DISC1: variants seen among roughly 807,000 people sequenced by gnomAD.
DISC1 encodes the protein disrupted in schizophrenia 1 protein.
In DISC1, 57 loss-of-function variants were observed where a neutral mutation model predicts 84.5. The observed-to-expected ratio is 0.67, with a 90% CI of 0.55 to 0.84. DISC1 has a LOEUF of 0.84. Ranked by LOEUF, DISC1 falls within the 40% of genes least tolerant of loss-of-function variation. The pLI, the probability that DISC1 is intolerant of heterozygous loss-of-function variation, is 0.00. For missense variants in DISC1, 1,000 were observed against 1,057.8 expected, an observed-to-expected ratio of 0.95 and a Z score of 0.76; for synonymous variants, 411 against 415.2, an observed-to-expected ratio of 0.99 and a Z score of 0.12.
Position 231,714,436 on chromosome 1 carries a change from G to C in DISC1, c.1117+12412G>C, listed in dbSNP as rs1477478591. On this transcript the variant is annotated intron_variant, in intron 3 of 12. Transcript: ENST00000439617. ...ACTCTTGTCTCACACCTTAAACAAA[G>C]TTTAACTCCAAACTGTGCAATGATT... Among the ~76,000 whole-genome samples, 3 of 152,242 alleles carry C rather than the reference G, an allele frequency of 2.0e-5. No individual in the cohort carries two copies. In the South Asian group the frequency reaches 6.2e-4, roughly 32 times the overall value.
rs550340190 is a variant in DISC1, at chr1:231,935,049, A to C, written c.1982-23779A>C. Among the ~76,000 whole-genome samples the C allele has an allele frequency of 1.4e-3, 213 of 152,346 alleles. 1 individual carries two copies. The highest frequency in any genetic ancestry group is 4.4e-3 in the African/African-American group (183 of 41,574). Reference sequence around the variant, plus strand: ...CACATTCAGAGGGAGCTCTTGCCAAATGGGACAACGAAGGATTGTGTTAAA... The same window carrying C: ...CACATTCAGAGGGAGCTCTTGCCAACTGGGACAACGAAGGATTGTGTTAAA... On this transcript the variant is annotated intron_variant, in intron 9 of 12. Transcript: ENST00000439617.
chr1:231,867,249 C>T (rs952533110), intron 9 of DISC1, among the ~76,000 whole-genome samples: 1 of 152,164 alleles, frequency 6.6e-6, no homozygotes, highest in East Asian at 1.9e-4. Context: ...ATTCACATGT[C>T]TGGTTAGCTA....
At chr1:232,003,230 A>G (rs1772699) in intron 10 of DISC1, among the ~76,000 whole-genome samples, 43,344 of 152,066 alleles carry the variant, frequency 0.29, 6,443 homozygotes, top group African/African-American at 0.33. Context: ...CAAATGTTTT[A>G]TGTTGGAGTC....
chr1:231,713,191 G>A (rs113830588), intron 3 of DISC1, among the ~76,000 whole-genome samples: 6 of 152,096 alleles, frequency 3.9e-5, no homozygotes, highest in Admixed American at 1.3e-4. Context: ...GAGTCCGATA[G>A]CCAGAGTTTA....
intron 9 of DISC1, among the ~76,000 whole-genome samples, chr1:231,820,915 T>C (rs2081444015): frequency 1.3e-5 from 2 of 152,182 alleles, no homozygotes; most frequent in Admixed American, 1.3e-4. Flanking sequence ...TTTGCAGTCT[T>C]AGGGAACAAT....
At chr1:231,895,922 C>T (rs1242531813) in intron 9 of DISC1, among the ~76,000 whole-genome samples, 1 of 152,186 alleles carries the variant, frequency 6.6e-6, no homozygotes, top group East Asian at 1.9e-4. Flanking sequence ...CGCATCCCTT[C>T]ATGCTGCTCC....
chr1:231,636,298 A>G (rs1171762277), intron 1 of DISC1, among the ~76,000 whole-genome samples: 1 of 152,188 alleles, frequency 6.6e-6, no homozygotes, highest in Admixed American at 6.6e-5. Context: ...CGTAGGGTGG[A>G]CACACGCTTT....
At chr1:231,947,756 T>C (rs1657513330) in intron 9 of DISC1, among the ~76,000 whole-genome samples, 1 of 152,150 alleles carries the variant, frequency 6.6e-6, no homozygotes, top group Non-Finnish European at 1.5e-5. Flanking sequence ...TAAACAAATT[T>C]ACCAGTAAAA....
intron 8 of DISC1, among the ~76,000 whole-genome samples, chr1:231,801,661 C>T (rs1028495117): frequency 4.6e-5 from 7 of 152,138 alleles, no homozygotes; most frequent in Non-Finnish European, 8.8e-5. Context: ...AATGGGCTGT[C>T]CCCATAGGTG....
chr1:231,629,412 G>C (rs1327265166), intron 1 of DISC1: 2 of 153,244 alleles, frequency 1.3e-5, no homozygotes, highest in African/African-American at 4.8e-5. Context: ...GATGCCTCCA[G>C]AAGAAAGCAG....
chr1:231,694,330 G>T lies in DISC1; in HGVS notation c.572G>T (p.Cys191Phe), dbSNP rs1435657322. 6.2e-7 allele frequency: 1 copy of T among 1,614,136 alleles called. No homozygotes were observed. Among genetic ancestry groups the T allele is most frequent in the African/African-American group, 1.3e-5 (1 of 74,942 alleles). The change falls in exon 2 of 13, where the codon TGT (cysteine) becomes TTT (phenylalanine). Residue 191 changes from cysteine to phenylalanine, a missense_variant. This residue lies in a region of DISC1 where 292 missense variants were observed against 280.2 expected (regional missense o/e 1.04). Transcript: ENST00000439617. Reference sequence around the variant, plus strand: ...AGTAGCAACAGCTGCAGCCCTGGCTGTGGCCCTGAGGTCCCCCCAACCCCT... The same window carrying T: ...AGTAGCAACAGCTGCAGCCCTGGCTTTGGCCCTGAGGTCCCCCCAACCCCT... ...ELSSNSCSPG[C>F]GPEVPPTPPG...
intron 6 of DISC1, among the ~76,000 whole-genome samples, chr1:231,789,480 C>G (rs2078148518): frequency 6.6e-6 from 1 of 152,170 alleles, no homozygotes; most frequent in Non-Finnish European, 1.5e-5. Flanking sequence ...GGCTACATCT[C>G]AAGAACAGAC....
chr1:231,886,766 C>CCTTCCTTCCTTTCTTTCTTT (rs1322835316), intron 9 of DISC1, among the ~76,000 whole-genome samples: 1 of 84,380 alleles, frequency 1.2e-5, no homozygotes, highest in Non-Finnish European at 2.4e-5. Context: ...TTCCTTCCTT[C>CCTTCCTTCCTTTCTTTCTTT]CTTTCTTTCT....
chr1:231,782,219 T>C (rs566998955), intron 6 of DISC1, among the ~76,000 whole-genome samples: 1 of 152,372 alleles, frequency 6.6e-6, no homozygotes, highest in African/African-American at 2.4e-5. Flanking sequence ...TTGGATTCTT[T>C]ATGCAATTTC....
chr1:231,671,813 A>G (rs920386971), intron 1 of DISC1, among the ~76,000 whole-genome samples: 1 of 152,206 alleles, frequency 6.6e-6, no homozygotes, highest in Non-Finnish European at 1.5e-5. Flanking sequence ...TTGATTCCTC[A>G]GTTTTCCTCA....
Position 231,880,962 on chromosome 1 carries a change from A to G in DISC1, c.1981+62445A>G, listed in dbSNP as rs61522906. On this transcript the variant is annotated intron_variant, in intron 9 of 12. Coordinates refer to ENST00000439617, the MANE Select transcript of DISC1 (RefSeq NM_018662.3). ...GGAACTGTGATCTAGGGTCTATGTG[A>G]TTCCAAGACAGTAGGCAGCAAACAA... is the stretch of plus-strand genomic sequence containing the variant. 5.5e-3 allele frequency among the ~76,000 whole-genome samples: 833 copies of G among 152,266 alleles called. 4 individuals carry two copies. Among genetic ancestry groups the G allele is most frequent in the African/African-American group, 0.019 (781 of 41,544 alleles).
At chr1:231,888,963 G>A (rs577852231) in intron 9 of DISC1, among the ~76,000 whole-genome samples, 2 of 152,162 alleles carry the variant, frequency 1.3e-5, no homozygotes, top group South Asian at 4.2e-4. Flanking sequence ...CTCCATATGC[G>A]ATCCTTTGAG....
intron 6 of DISC1, among the ~76,000 whole-genome samples, chr1:231,776,139 C>T (rs2076946087): frequency 6.6e-6 from 1 of 152,132 alleles, no homozygotes; most frequent in African/African-American, 2.4e-5. Context: ...TCTGGAAAAC[C>T]AGGGGAGGGC....
chr1:232,014,520 A>C (rs1668306767), intron 11 of DISC1, among the ~76,000 whole-genome samples: 1 of 152,260 alleles, frequency 6.6e-6, no homozygotes, highest in South Asian at 2.1e-4. Flanking sequence ...ACCAGGATGC[A>C]ACCAGGGTTG....
Sources: gnomAD v4.1 joint callset for allele counts (sites outside exome capture counted in the v4.1 genomes callset) on GRCh38, gnomAD v4.1.1 for gene constraint, gnomAD v4.1.1 regional missense constraint, MANE v1.5 for transcripts, NCBI Gene and HGNC (gene_info 2026-07-23, HGNC 2026-07-21) for gene names.